SNTG1: variants seen among roughly 807,000 people sequenced by gnomAD.
SNTG1 encodes the protein syntrophin gamma 1.
A neutral mutation model predicts 74.7 loss-of-function variants in SNTG1; 39 were observed. The ratio of observed to expected loss-of-function variants is 0.52; its 90% CI spans 0.40 to 0.68. SNTG1 has a LOEUF of 0.68. SNTG1 is among the 30% of genes least tolerant of loss of function. The pLI, the probability that SNTG1 is intolerant of heterozygous loss-of-function variation, is 0.00. For missense variants in SNTG1, 685 were observed against 609.5 expected (o/e 1.12, Z -1.30); for synonymous variants, 254 against 217.1 (o/e 1.17, Z -1.49).
chr8:50,229,442 A>G (rs2085502847), intron 2 of SNTG1, among the ~76,000 whole-genome samples: 1 of 151,492 alleles, frequency 6.6e-6, no homozygotes, highest in Admixed American at 6.6e-5. Context: ...AATAAAAATA[A>G]AAAGACTGGG....
At chr8:50,046,401 A>C (rs1819087645) in intron 1 of SNTG1, among the ~76,000 whole-genome samples, 1 of 152,176 alleles carries the variant, frequency 6.6e-6, no homozygotes, top group African/African-American at 2.4e-5. Context: ...TTCTTTCTGA[A>C]AATTACCTCA....
At chr8:50,711,459 G>T (rs1053730247) in intron 17 of SNTG1, among the ~76,000 whole-genome samples, 2 of 152,130 alleles carry the variant, frequency 1.3e-5, no homozygotes, top group African/African-American at 2.4e-5. Flanking sequence ...TTCCAGGAAA[G>T]GGGTGGACTC....
chr8:50,035,362 C>T (rs1818067087), intron 1 of SNTG1, among the ~76,000 whole-genome samples: 2 of 152,176 alleles, frequency 1.3e-5, no homozygotes, highest in Admixed American at 1.3e-4. Context: ...CATGCCATGT[C>T]CTCTCCAAGT....
At chr8:50,077,536 T>G (rs1258164802) in intron 1 of SNTG1, among the ~76,000 whole-genome samples, 6 of 152,196 alleles carry the variant, frequency 3.9e-5, no homozygotes, top group Non-Finnish European at 8.8e-5. Context: ...ATATATATAG[T>G]CAATATTTGT....
chr8:50,691,919 C>T (rs146736020), intron 15 of SNTG1, among the ~76,000 whole-genome samples: 2,625 of 152,172 alleles, frequency 0.017, 35 homozygotes, highest in Non-Finnish European at 0.026. Context: ...TTCACATAGT[C>T]CCATGTTTCT....
intron 1 of SNTG1, among the ~76,000 whole-genome samples, chr8:49,924,522 G>T (rs1266498055): frequency 2.6e-5 from 4 of 152,120 alleles, no homozygotes; most frequent in Non-Finnish European, 5.9e-5. Flanking sequence ...GCAGAGCCGG[G>T]CTAACATAGC....
intron 2 of SNTG1, among the ~76,000 whole-genome samples, chr8:50,195,466 G>A (rs1346621979): frequency 7.2e-5 from 11 of 152,022 alleles, no homozygotes; most frequent in Non-Finnish European, 1.5e-4. Context: ...GAGGTTTCTC[G>A]CCCCGTTCAA....
At chr8:50,724,002 C>T (rs1335493378) in intron 17 of SNTG1, among the ~76,000 whole-genome samples, 1 of 151,882 alleles carries the variant, frequency 6.6e-6, no homozygotes. Context: ...TTGCTTTTTT[C>T]CAAGAACATA....
At chr8:49,968,332 T>C (rs1811340859) in intron 1 of SNTG1, among the ~76,000 whole-genome samples, 2 of 152,216 alleles carry the variant, frequency 1.3e-5, no homozygotes, top group Admixed American at 6.5e-5. Context: ...AATTATGGTG[T>C]ATTTTGTCTC....
At chr8:50,061,444 T>G (rs1820464639) in intron 1 of SNTG1, among the ~76,000 whole-genome samples, 1 of 152,070 alleles carries the variant, frequency 6.6e-6, no homozygotes, top group Admixed American at 6.6e-5. Context: ...TTAATTTTAT[T>G]GATTCTTTTA....
intron 2 of SNTG1, among the ~76,000 whole-genome samples, chr8:50,346,328 G>A (rs543087099): frequency 5.4e-4 from 82 of 152,138 alleles, no homozygotes; most frequent in Non-Finnish European, 1.1e-3. Context: ...GATCTTTGAT[G>A]TTACTGGTGG....
At chr8:50,135,589 T>A (rs899573002) in intron 1 of SNTG1, among the ~76,000 whole-genome samples, 2 of 152,138 alleles carry the variant, frequency 1.3e-5, no homozygotes, top group Non-Finnish European at 2.9e-5. Context: ...TCCTTAACCT[T>A]TACAAGGTCT....
intron 1 of SNTG1, among the ~76,000 whole-genome samples, chr8:50,068,408 T>C (rs1181148376): frequency 1.3e-5 from 2 of 152,092 alleles, no homozygotes; most frequent in East Asian, 1.9e-4. Context: ...GAGTGAAAAA[T>C]CATTTCCAAG....
At chr8:50,440,938 C>T (rs1482207076) in intron 5 of SNTG1, among the ~76,000 whole-genome samples, 1 of 152,126 alleles carries the variant, frequency 6.6e-6, no homozygotes, top group Non-Finnish European at 1.5e-5. Flanking sequence ...AATGAATGTC[C>T]TTTTTAGACA....
rs113599152 is a variant in SNTG1, at chr8:50,792,682, T to C, written c.1407T>C (p.Phe469=). 20 of 1,609,190 alleles carry C rather than the reference T, an allele frequency of 1.2e-5. No individual in the cohort carries two copies. The African/African-American group carries it at 2.4e-4, about 19-fold the overall frequency. ...TKQIEAKELE[F]SNLFAVLHCI... is the part of the protein sequence containing the mutation. Reference sequence around the variant, plus strand: ...TCTTTCCCTTTCAGGAGTTGGAATTTTCTAATTTATTTGCTGTTCTTCACT... The same window carrying C: ...TCTTTCCCTTTCAGGAGTTGGAATTCTCTAATTTATTTGCTGTTCTTCACT... The change falls in exon 19 of 19, where the codon TTT becomes TTC. Residue 469 remains phenylalanine (F), a synonymous_variant. Coordinates refer to ENST00000642720, the MANE Select transcript of SNTG1 (RefSeq NM_018967.5).
At chr8:50,000,506 A>G (rs1372384886) in intron 1 of SNTG1, among the ~76,000 whole-genome samples, 1 of 152,072 alleles carries the variant, frequency 6.6e-6, no homozygotes, top group Non-Finnish European at 1.5e-5. Context: ...TTCTTTGTAC[A>G]ATGTAAAGGG....
intron 15 of SNTG1, among the ~76,000 whole-genome samples, chr8:50,671,979 A>G (rs994865561): frequency 2.8e-5 from 4 of 140,598 alleles, no homozygotes; most frequent in African/African-American, 1.1e-4. Flanking sequence ...TCACTCACAG[A>G]TGGGAATTGA....
intron 12 of SNTG1, among the ~76,000 whole-genome samples, chr8:50,573,054 G>C (rs185797861): frequency 7.3e-4 from 111 of 152,080 alleles, no homozygotes; most frequent in African/African-American, 2.4e-3. Flanking sequence ...AATTGGTATC[G>C]TTAAGATACA....
intron 1 of SNTG1, among the ~76,000 whole-genome samples, chr8:49,986,732 A>AAG (rs1765152615): frequency 6.6e-6 from 1 of 150,682 alleles, no homozygotes; most frequent in Admixed American, 6.6e-5. Context: ...AAAAAAAAAA[A>AAG]TAGCCAGGTG....
Sources: allele counts gnomAD v4.1 joint callset (sites outside exome capture counted in the v4.1 genomes callset), GRCh38; gene constraint gnomAD v4.1.1; transcripts MANE v1.5; gene names NCBI Gene and HGNC (gene_info 2026-07-23, HGNC 2026-07-21).